Variants in ABCA4 observed in about 807,000 individuals in gnomAD.
The protein encoded by ABCA4 is ATP binding cassette subfamily A member 4, also known as retinal-specific phospholipid-transporting ATPase ABCA4.
A neutral mutation model predicts 263.7 loss-of-function variants in ABCA4; 196 were observed. The ratio of observed to expected loss-of-function variants is 0.74; its 90% confidence interval spans 0.66 to 0.84. ABCA4 has a LOEUF of 0.84. Ranked by LOEUF, ABCA4 falls within the 40% of genes least tolerant of loss-of-function variation. The pLI is 0.00. For synonymous variants in ABCA4, 1,133 were observed against 1,094.2 expected (o/e 1.04, Z -0.70); for missense variants, 2,792 against 2,855.1 (o/e 0.98, Z 0.50).
intron 44 of ABCA4, 111 bp downstream of exon 44, chr1:94,005,326 GGAAT>G (rs1385559591): frequency 3.8e-5 from 51 of 1,354,642 alleles, no homozygotes; most frequent in Non-Finnish European, 4.5e-5. Context: ...AACATTTGTT[GGAAT>G]GAATGAATGA....
At chr1:94,006,048 G>A (rs535911776) in intron 43 of ABCA4, among the ~76,000 whole-genome samples, 30 of 152,312 alleles carry the variant, frequency 2.0e-4, no homozygotes, top group African/African-American at 5.1e-4. Flanking sequence ...CACAGCGAGA[G>A]GCCTGCAGGG....
Position 94,046,980 on chromosome 1 carries a change from A to G in ABCA4, c.2857T>C (p.Phe953Leu). 1 of 1,614,188 alleles carries G rather than the reference A, an allele frequency of 6.2e-7. No individual in the cohort carries two copies. Among genetic ancestry groups the G allele is most frequent in the Non-Finnish European group, 8.5e-7 (1 of 1,180,024 alleles). Reference protein sequence around the residue: ...RPAVDRLNITFYENQITAFLG... With the variant: ...RPAVDRLNITLYENQITAFLG... ...AATGCGGTGATCTGGTTCTCGTAGAAGGTGATGTTCAGACGGTCCACAGCT... is the reference window on the plus strand; with the variant it reads ...AATGCGGTGATCTGGTTCTCGTAGAGGGTGATGTTCAGACGGTCCACAGCT... Residue 953 changes from phenylalanine to leucine, a missense_variant, in exon 19 of 50, where the codon TTC (phenylalanine) becomes CTC (leucine). Transcript: ENST00000370225.
rs1660213012 is a variant in ABCA4 at position 94,031,823 on chromosome 1, C to A, written c.4083G>T (p.Lys1361Asn). 6.2e-7 allele frequency: 1 copy of A among 1,613,992 alleles called. No individual in the cohort carries two copies. Among genetic ancestry groups the A allele is most frequent in the Non-Finnish European group, 8.5e-7 (1 of 1,180,056 alleles). ...GGCTGCGGATGGTGTGTTGGAATCT[C>A]TTGACCAGCAGCGCCTGCACATGCT... ...VLQHVQALLV[K>N]RFQHTIRSHK... Residue 1361 changes from lysine (K) to asparagine (N), a missense_variant, in exon 27 of 50, where the codon AAG becomes AAT. Transcript: ENST00000370225.
At chr1:94,092,776 G>T (rs141834033) in intron 6 of ABCA4, among the ~76,000 whole-genome samples, 3 of 151,966 alleles carry the variant, frequency 2.0e-5, no homozygotes, top group Non-Finnish European at 4.4e-5. Context: ...GCAGCCAAAA[G>T]GTCACTCCAT....
In ABCA4 at chr1:94,028,906, C is replaced by CAA. The variant is rs34738807; in HGVS notation, c.4539+537_4539+538dup. On this transcript the variant is annotated intron_variant, in intron 30 of 49. Coordinates refer to ENST00000370225, the MANE Select transcript of ABCA4 (RefSeq NM_000350.3). ...TGGGTGACAGAGAGAGACTCTGTCT[C>CAA]AAAAAAAAAAAAAAAAAAAAAAAAG... 9.5e-3 allele frequency among the ~76,000 whole-genome samples: 356 copies of CAA among 37,446 alleles called. 15 individuals carry two copies. Among genetic ancestry groups the CAA allele is most frequent in the East Asian group, 0.015 (23 of 1,574 alleles). The allele number at this position is 37,446 out of a possible 152,430, so 24.6% of individuals were successfully genotyped here.
Position 93,998,065 on chromosome 1 carries a change from C to T in ABCA4, c.6525G>A (p.Lys2175=). ...YIVTMKIKSP[K]DDLLPDLNPV... ...GGTTCAGGTCAGGAAGCAGGTCGTC[C>T]TTCGGGGATTTGATCTTCATTGTGA... Residue 2175 remains lysine, a synonymous_variant, in exon 48 of 50, where the codon AAG becomes AAA. Coordinates refer to ENST00000370225, the MANE Select transcript of ABCA4 (RefSeq NM_000350.3). 1 of 1,614,190 alleles carries T rather than the reference C, an allele frequency of 6.2e-7. No homozygotes were observed. Among genetic ancestry groups the T allele is most frequent in the Non-Finnish European group, 8.5e-7 (1 of 1,180,032 alleles).
intron 44 of ABCA4, among the ~76,000 whole-genome samples, chr1:94,003,032 A>AAG (rs1659236125): frequency 6.6e-6 from 1 of 152,108 alleles, no homozygotes; most frequent in African/African-American, 2.4e-5. Flanking sequence ...TTGAGGGTAA[A>AAG]TTACTCATCA....
chr1:94,077,604 A>G, intron 11 of ABCA4, 86 bp downstream of exon 11: 1 of 1,303,660 alleles, frequency 7.7e-7, no homozygotes. Flanking sequence ...GCTTAAATTC[A>G]AGACCACTTG....
At chr1:94,064,633 G>T (rs1661216655) in intron 11 of ABCA4, among the ~76,000 whole-genome samples, 1 of 152,196 alleles carries the variant, frequency 6.6e-6, no homozygotes, top group South Asian at 2.1e-4. Context: ...AATCTCTAGT[G>T]GCAGGGCCAG....
intron 20 of ABCA4, among the ~76,000 whole-genome samples, chr1:94,044,018 C>G (rs1433258586): frequency 6.6e-6 from 1 of 151,154 alleles, no homozygotes; most frequent in African/African-American, 2.4e-5. Context: ...TTCCCCTTCC[C>G]TTTTCCTCCC....
intron 6 of ABCA4, among the ~76,000 whole-genome samples, chr1:94,086,533 G>A (rs1661831471): frequency 6.6e-6 from 1 of 151,818 alleles, no homozygotes. Flanking sequence ...GTCACATGAA[G>A]AGCACATAGG....
At position 94,042,869 on chromosome 1, in the gene ABCA4, T is replaced by C. The variant is rs368054254; in HGVS notation, c.3220A>G (p.Ile1074Val). Residue 1074 changes from isoleucine (I) to valine (V), a missense_variant, in exon 22 of 50, where the codon ATT (isoleucine) becomes GTT (valine). Ile to Val is a conservative substitution (Grantham distance 29). Coordinates refer to ENST00000370225, the MANE Select transcript of ABCA4 (RefSeq NM_000350.3). ...ACCTTGGCATCTCCCACAAAGGCAA[T>C]GGCAACCGACAGCTTTCTCTGCATG... ...GGMQRKLSVA[I>V]AFVGDAKVVI... 2.5e-5 allele frequency: 41 copies of C among 1,614,138 alleles called. No homozygotes were observed. The African/African-American group carries it at 4.0e-4, about 16-fold the overall frequency.
At chr1:94,089,402 G>C (rs1052294027) in intron 6 of ABCA4, among the ~76,000 whole-genome samples, 7 of 151,956 alleles carry the variant, frequency 4.6e-5, no homozygotes, top group African/African-American at 1.7e-4. Flanking sequence ...TAAGTGAAAT[G>C]GCTATAATGA....
intron 32 of ABCA4, among the ~76,000 whole-genome samples, chr1:94,023,092 A>C (rs944882570): frequency 1.3e-5 from 2 of 152,172 alleles, no homozygotes; most frequent in Non-Finnish European, 2.9e-5. Flanking sequence ...TTGGAGTATT[A>C]TAAACTGTTA....
intron 32 of ABCA4, among the ~76,000 whole-genome samples, chr1:94,022,419 C>A (rs948986500): frequency 6.6e-6 from 1 of 152,206 alleles, no homozygotes; most frequent in Admixed American, 6.5e-5. Flanking sequence ...TTCTGTGCCA[C>A]CTCTGTGCTT....
At chr1:94,101,095 C>A (rs981101038) in intron 5 of ABCA4, among the ~76,000 whole-genome samples, 1 of 152,258 alleles carries the variant, frequency 6.6e-6, no homozygotes, top group Non-Finnish European at 1.5e-5. Context: ...AACCTGGTGA[C>A]CCCGGCCTCC....
At chr1:94,115,375 A>G (rs1310208525) in intron 1 of ABCA4, among the ~76,000 whole-genome samples, 1 of 152,076 alleles carries the variant, frequency 6.6e-6, no homozygotes, top group East Asian at 1.9e-4. Context: ...CTGATTTGGG[A>G]GTTAGTGGGA....
chr1:94,009,761 T>C (rs1659496260), intron 40 of ABCA4, among the ~76,000 whole-genome samples: 1 of 152,200 alleles, frequency 6.6e-6, no homozygotes, highest in Non-Finnish European at 1.5e-5. Context: ...TGTGTTGACA[T>C]CAGAGTTTGA....
intron 6 of ABCA4, among the ~76,000 whole-genome samples, chr1:94,092,945 G>A (rs985224276): frequency 6.6e-6 from 1 of 152,198 alleles, no homozygotes; most frequent in East Asian, 1.9e-4. Flanking sequence ...TATTTCATGA[G>A]CTGTGTAGGA....
Sources: allele counts gnomAD v4.1 joint callset (sites outside exome capture counted in the v4.1 genomes callset), GRCh38; gene constraint gnomAD v4.1.1; transcripts MANE v1.5; gene names NCBI Gene and HGNC (gene_info 2026-07-23, HGNC 2026-07-21).